Variants in FLT1 observed in about 807,000 individuals in gnomAD.
FLT1 encodes the protein vascular endothelial growth factor receptor 1.
FLT1 carries 49 observed loss-of-function variants against 156.3 expected under a neutral mutation model. The ratio of observed to expected loss-of-function variants is 0.31; its 90% confidence interval spans 0.25 to 0.40. The LOEUF (loss-of-function observed/expected upper bound fraction) is 0.40, where lower values mean the gene tolerates loss of function less well. FLT1 is among the 10% of genes least tolerant of loss of function. The pLI is 1.00. For synonymous variants in FLT1, 594 were observed against 583.8 expected (o/e 1.02, Z -0.25); for missense variants, 1,322 against 1,637.2 (o/e 0.81, Z 3.32).
intron 7 of FLT1, 89 bp downstream of exon 7, chr13:28,431,046 GC>G: frequency 1.7e-6 from 2 of 1,182,960 alleles, no homozygotes; most frequent in African/African-American, 1.5e-5. Flanking sequence ...GTAACTCTTG[GC>G]CAACAGAAAA....
chr13:28,306,819 G>C (rs1370351287), intron 28 of FLT1, 47 bp from the exon 29 acceptor site: 4 of 1,292,146 alleles, frequency 3.1e-6, no homozygotes, highest in Non-Finnish European at 3.4e-6. Context: ...GCCCAGCGGG[G>C]GTCCATGCTG....
At chr13:28,333,806 T>C (rs1872015875) in intron 18 of FLT1, among the ~76,000 whole-genome samples, 1 of 152,220 alleles carries the variant, frequency 6.6e-6, no homozygotes, top group African/African-American at 2.4e-5. Flanking sequence ...CATTTTCCTA[T>C]GGACAGTGCT....
intron 12 of FLT1, among the ~76,000 whole-genome samples, chr13:28,392,835 G>A (rs184465238): frequency 4.6e-5 from 7 of 152,262 alleles, no homozygotes; most frequent in Admixed American, 4.6e-4. Flanking sequence ...TTTGAGGCCT[G>A]TTTCTTATAT....
intron 3 of FLT1, among the ~76,000 whole-genome samples, chr13:28,461,174 G>C (rs1028759832): frequency 2.0e-5 from 3 of 151,350 alleles, no homozygotes; most frequent in Non-Finnish European, 2.9e-5. Context: ...CCATTCATTT[G>C]ATTCCATAGC....
At position 28,427,338 on chromosome 13, in the gene FLT1, C is replaced by T. The variant is rs368653347; in HGVS notation, c.1277-20G>A. 129 of 1,613,092 alleles carry T rather than the reference C, an allele frequency of 8.0e-5. No homozygotes were observed. The highest frequency in any genetic ancestry group is 3.3e-4 in the Middle Eastern group (2 of 6,084). Reference sequence around the variant, plus strand: ...GTTTCACTGGAAAGGAGATGAAGAACGGGACAGAAGTCAAGAGCAGTTCTA... The same window carrying T: ...GTTTCACTGGAAAGGAGATGAAGAATGGGACAGAAGTCAAGAGCAGTTCTA... On this transcript the variant is annotated intron_variant, in intron 9 of 29. Transcript: ENST00000282397.
chr13:28,451,661 G>C (rs962771363), intron 3 of FLT1, among the ~76,000 whole-genome samples: 1 of 151,982 alleles, frequency 6.6e-6, no homozygotes, highest in Admixed American at 6.6e-5. Flanking sequence ...GGCAGTTGAG[G>C]GGAGGCAGGA....
chr13:28,420,895 T>TAAAC (rs1257532429), intron 10 of FLT1, among the ~76,000 whole-genome samples: 1 of 152,130 alleles, frequency 6.6e-6, no homozygotes, highest in Admixed American at 6.5e-5. Context: ...TTTGCTGACG[T>TAAAC]AAACAATAGA....
chr13:28,494,439 C>G (rs950451395), intron 1 of FLT1, among the ~76,000 whole-genome samples: 1 of 152,202 alleles, frequency 6.6e-6, no homozygotes, highest in Non-Finnish European at 1.5e-5. Context: ...CCGGTGCGTG[C>G]TGCTCCTAGT....
At chr13:28,306,443 C>T (rs1054955135) in intron 29 of FLT1, among the ~76,000 whole-genome samples, 1 of 152,228 alleles carries the variant, frequency 6.6e-6, no homozygotes, top group African/African-American at 2.4e-5. Context: ...CACATCTGGA[C>T]TGCCTGTCTT....
At chr13:28,318,886 T>C (rs1871317972) in intron 24 of FLT1, among the ~76,000 whole-genome samples, 1 of 152,164 alleles carries the variant, frequency 6.6e-6, no homozygotes, top group South Asian at 2.1e-4. Context: ...GCAGAATAAA[T>C]ACAACCAGTG....
chr13:28,322,890 T>C lies in FLT1; in HGVS notation c.2853A>G (p.Gln951=), dbSNP rs1271990653. Residue 951 remains glutamine, a synonymous_variant, in exon 21 of 30, where the codon CAA becomes CAG. Transcript: ENST00000282397. This position sits in a 1 kb window ranked among gnomAD's most constrained non-coding sequence, Gnocchi z 4.3. ...KKEKMEPGLE[Q]GKKPRLDSVT... ...CGCTATCTAGTCTTGGTTTCTTGCC[T>C]TGTTCCAGGCCTGGCTCCATTTTTT... 3.7e-6 allele frequency: 6 copies of C among 1,614,168 alleles called. No individual in the cohort carries two copies. The highest frequency in any genetic ancestry group is 5.1e-6 in the Non-Finnish European group (6 of 1,180,028).
rs565573898 is a variant in FLT1, at chr13:28,372,857, G to C, written c.2116+12028C>G. ...AGATCATGCCACTGCACTCCAGCTT[G>C]GCAACAGAGTGAGACTCTGTCTCAA... On this transcript the variant is annotated intron_variant, in intron 14 of 29. Coordinates refer to ENST00000282397, the MANE Select transcript of FLT1 (RefSeq NM_002019.4). Among the ~76,000 whole-genome samples the C allele has an allele frequency of 3.3e-5, 5 of 151,454 alleles. No individual in the cohort carries two copies. The South Asian group carries it at 1.0e-3, about 32-fold the overall frequency.
At chr13:28,427,066 C>T in intron 10 of FLT1, 93 bp downstream of exon 10, 2 of 1,163,842 alleles carry the variant, frequency 1.7e-6, no homozygotes, top group Non-Finnish European at 1.3e-6. Context: ...CAGTACATCC[C>T]ACATGCAGAT....
Position 28,357,702 on chromosome 13 carries a change from G to A in FLT1, c.2117-17C>T. The A allele has an allele frequency of 2.5e-6, 4 of 1,612,034 alleles. No individual in the cohort carries two copies. Among genetic ancestry groups the A allele is most frequent in the Non-Finnish European group, 3.4e-6 (4 of 1,178,338 alleles). ...AAATAATTCCTGAGGGGTGAGAGATGTTTAGATTAGTGGGCCTGGATGACA... is the reference window on the plus strand; with the variant it reads ...AAATAATTCCTGAGGGGTGAGAGATATTTAGATTAGTGGGCCTGGATGACA... On this transcript the variant is annotated splice_polypyrimidine_tract_variant and intron_variant, in intron 14 of 29. Transcript: ENST00000282397.
At chr13:28,366,663 G>A (rs1873308580) in intron 14 of FLT1, among the ~76,000 whole-genome samples, 1 of 151,894 alleles carries the variant, frequency 6.6e-6, no homozygotes, top group African/African-American at 2.4e-5. Context: ...TAGTGGTGGG[G>A]TTTCAACATG....
intron 14 of FLT1, among the ~76,000 whole-genome samples, chr13:28,370,726 T>C (rs1353813441): frequency 6.6e-6 from 1 of 152,232 alleles, no homozygotes; most frequent in East Asian, 1.9e-4. Flanking sequence ...CTATGTTTAT[T>C]TGTAAACTGT....
intron 16 of FLT1, among the ~76,000 whole-genome samples, chr13:28,340,005 A>G (rs1265810266): frequency 6.6e-6 from 1 of 152,208 alleles, no homozygotes; most frequent in Non-Finnish European, 1.5e-5. Context: ...ACCTGAGGTT[A>G]GGAGTTCAAG....
At chr13:28,316,117 C>G in intron 25 of FLT1, among the ~76,000 whole-genome samples, 1 of 152,202 alleles carries the variant, frequency 6.6e-6, no homozygotes, top group East Asian at 1.9e-4. Context: ...GAGGACACCA[C>G]GCACCAGTGA....
At chr13:28,446,080 A>G (rs1878601448) in intron 3 of FLT1, among the ~76,000 whole-genome samples, 2 of 152,272 alleles carry the variant, frequency 1.3e-5, no homozygotes, top group South Asian at 4.2e-4. Context: ...AAAATGGCAG[A>G]AGAAGGATTT....
Sources: allele counts gnomAD v4.1 joint callset (sites outside exome capture counted in the v4.1 genomes callset), GRCh38; gene constraint gnomAD v4.1.1; non-coding constraint Gnocchi (gnomAD v3.1); transcripts MANE v1.5; gene names NCBI Gene and HGNC (gene_info 2026-07-23, HGNC 2026-07-21).